THSD7B: variants seen among roughly 807,000 people sequenced by gnomAD.
The protein encoded by THSD7B is thrombospondin type 1 domain containing 7B, also known as thrombospondin type-1 domain-containing protein 7B.
A neutral mutation model predicts 213.6 loss-of-function variants in THSD7B; 138 were observed. That is an observed-to-expected ratio of 0.65 (90% CI 0.56 to 0.74). The LOEUF (loss-of-function observed/expected upper bound fraction) is 0.74. Ranked by LOEUF, THSD7B falls within the 30% of genes least tolerant of loss-of-function variation. The pLI is 0.00. For synonymous variants in THSD7B, 742 were observed against 687.0 expected (o/e 1.08, Z -1.25); for missense variants, 1,931 against 1,991.5 (o/e 0.97, Z 0.58).
chr2:137,206,104 G>A (rs189249962), intron 7 of THSD7B, among the ~76,000 whole-genome samples: 9 of 151,488 alleles, frequency 5.9e-5, no homozygotes, highest in Non-Finnish European at 8.8e-5. Context: ...CAGGAATTGC[G>A]GAGGGTGATT....
At chr2:136,966,479 A>T (rs1685316623) in intron 2 of THSD7B, among the ~76,000 whole-genome samples, 1 of 152,192 alleles carries the variant, frequency 6.6e-6, no homozygotes, top group Admixed American at 6.5e-5. Flanking sequence ...AGCCTCCAAA[A>T]GTGCTGGAAT....
rs780331102 is a variant in THSD7B at position 137,094,873 on chromosome 2, C to A, written c.951C>A (p.Ser317Arg). The A allele has an allele frequency of 6.2e-7, 1 of 1,608,430 alleles. No homozygotes were observed. Among genetic ancestry groups the A allele is most frequent in the Admixed American group, 1.7e-5 (1 of 59,686 alleles). The change falls in exon 4 of 28, where the codon AGC becomes AGA. Residue 317 changes from serine to arginine, a missense_variant and splice_region_variant. Physicochemically the swap from Ser to Arg is moderately radical, Grantham distance 110. Coordinates refer to ENST00000409968, the MANE Select transcript of THSD7B (RefSeq NM_001316349.2). The stretch of plus-strand genomic sequence containing the variant: ...TATTTTCTACTTCTGTTTTTTTCAG[C>A]CTTTGCCTTCAAGATTCCTTCCCAT... ...TRSDGQNAML[S>R]LCLQDSFPLT...
intron 15 of THSD7B, among the ~76,000 whole-genome samples, chr2:137,557,639 A>T (rs558891596): frequency 6.6e-6 from 1 of 152,216 alleles, no homozygotes; most frequent in East Asian, 1.9e-4. Context: ...ACACCCTAAC[A>T]TCACAATTAA....
intron 9 of THSD7B, among the ~76,000 whole-genome samples, chr2:137,234,061 T>TTCA (rs1304816512): frequency 6.6e-6 from 1 of 152,164 alleles, no homozygotes; most frequent in Admixed American, 6.5e-5. Flanking sequence ...TTATTTTCTG[T>TTCA]TCATCATACT....
chr2:136,983,988 A>G (rs545650890), intron 2 of THSD7B, among the ~76,000 whole-genome samples: 4 of 152,238 alleles, frequency 2.6e-5, no homozygotes, highest in Non-Finnish European at 5.9e-5. Context: ...AAGTGTAAGC[A>G]TAGCTTTTGC....
rs965791195 is a variant in THSD7B, at chr2:137,411,897, A to G, written c.2959+25A>G. The G allele has an allele frequency of 1.9e-6, 3 of 1,612,202 alleles. No homozygotes were observed. In the African/African-American group the frequency reaches 4.0e-5, roughly 22 times the overall value. On this transcript the variant is annotated intron_variant, in intron 14 of 27. Coordinates refer to ENST00000409968, the MANE Select transcript of THSD7B (RefSeq NM_001316349.2). ...GGTAAGGAGATGGATGGAGAGTAACAGATGAGAACACTCACACACAGCTCG... is the reference window on the plus strand; with the variant it reads ...GGTAAGGAGATGGATGGAGAGTAACGGATGAGAACACTCACACACAGCTCG...
intron 5 of THSD7B, among the ~76,000 whole-genome samples, chr2:137,121,458 A>C (rs1361756951): frequency 6.6e-6 from 1 of 152,226 alleles, no homozygotes; most frequent in Non-Finnish European, 1.5e-5. Context: ...TAACATGACT[A>C]AACTGAAAAT....
intron 10 of THSD7B, among the ~76,000 whole-genome samples, chr2:137,269,901 G>A (rs1682693707): frequency 6.6e-6 from 1 of 152,136 alleles, no homozygotes; most frequent in African/African-American, 2.4e-5. Context: ...TTATTGGCAT[G>A]TTCTGCCAGG....
At position 137,572,476 on chromosome 2, in the gene THSD7B, C is replaced by G. The variant is rs1286377636; in HGVS notation, c.3343C>G (p.Pro1115Ala). 5.0e-6 allele frequency: 8 copies of G among 1,613,740 alleles called. No individual in the cohort carries two copies. The highest frequency in any genetic ancestry group is 6.8e-6 in the Non-Finnish European group (8 of 1,179,848). The part of the protein sequence containing the change: ...SNLCNQDEIP[P>A]ETQSCSLMCP... ...CCTGTGCAACCAGGATGAAATTCCC[C>G]CAGAAACCCAGTCCTGTTCTCTTAT... Residue 1115 changes from proline to alanine, a missense_variant, in exon 17 of 28, where the codon CCA (proline) becomes GCA (alanine). By Grantham distance (27) the Pro-to-Ala change is conservative. Transcript: ENST00000409968.
intron 14 of THSD7B, among the ~76,000 whole-genome samples, chr2:137,441,578 T>C (rs1687413344): frequency 6.6e-6 from 1 of 152,006 alleles, no homozygotes; most frequent in African/African-American, 2.4e-5. Context: ...TTGCAGTTGA[T>C]CAGACATGGA....
chr2:136,948,028 G>A (rs1429186081), intron 2 of THSD7B, among the ~76,000 whole-genome samples: 1 of 152,156 alleles, frequency 6.6e-6, no homozygotes. Context: ...AGCACTCTGA[G>A]TTTACATGAC....
intron 1 of THSD7B, among the ~76,000 whole-genome samples, chr2:136,834,602 C>A (rs78380689): frequency 6.6e-6 from 1 of 151,714 alleles, no homozygotes. Flanking sequence ...ATGTCTAGGA[C>A]TAGGGGTATA....
At chr2:137,402,179 AT>A (rs1686382795) in intron 12 of THSD7B, among the ~76,000 whole-genome samples, 1 of 152,170 alleles carries the variant, frequency 6.6e-6, no homozygotes, top group African/African-American at 2.4e-5. Context: ...TGTGATACTC[AT>A]TTTAAAGATG....
chr2:137,159,358 G>A (rs1679967415), intron 5 of THSD7B, among the ~76,000 whole-genome samples: 1 of 151,936 alleles, frequency 6.6e-6, no homozygotes, highest in Non-Finnish European at 1.5e-5. Flanking sequence ...GATCGATTAA[G>A]TTGATGCTAC....
intron 12 of THSD7B, among the ~76,000 whole-genome samples, chr2:137,387,536 T>C (rs1253399490): frequency 1.3e-5 from 2 of 152,122 alleles, no homozygotes; most frequent in Non-Finnish European, 2.9e-5. Flanking sequence ...CCTTAAACAA[T>C]TCATTACAGG....
chr2:137,198,711 A>C (rs1680816266), intron 7 of THSD7B, among the ~76,000 whole-genome samples: 1 of 152,150 alleles, frequency 6.6e-6, no homozygotes, highest in African/African-American at 2.4e-5. Context: ...TGATTACCTT[A>C]CCATTTCTGT....
At chr2:136,925,449 A>G (rs1271281744) in intron 2 of THSD7B, among the ~76,000 whole-genome samples, 2 of 152,086 alleles carry the variant, frequency 1.3e-5, no homozygotes, top group South Asian at 2.1e-4. Context: ...TTTGTCCTTC[A>G]TTTTGTTAAT....
At chr2:136,826,958 A>G (rs201800498) in intron 1 of THSD7B, among the ~76,000 whole-genome samples, 2 of 152,316 alleles carry the variant, frequency 1.3e-5, no homozygotes, top group South Asian at 2.1e-4. Context: ...TCTCTTTGAG[A>G]CAGAGTTTCT....
intron 12 of THSD7B, among the ~76,000 whole-genome samples, chr2:137,388,187 TA>T (rs1164268992): frequency 6.6e-6 from 1 of 151,990 alleles, no homozygotes; most frequent in Non-Finnish European, 1.5e-5. Context: ...GGCTTTTTCA[TA>T]ATAGTACATA....
Sources: allele counts gnomAD v4.1 joint callset (sites outside exome capture counted in the v4.1 genomes callset), GRCh38; gene constraint gnomAD v4.1.1; transcripts MANE v1.5; gene names NCBI Gene and HGNC (gene_info 2026-07-23, HGNC 2026-07-21).